Variants in MAP1B observed in about 807,000 individuals in gnomAD.
MAP1B encodes the protein microtubule associated protein 1B.
Under a neutral mutation model 176.1 loss-of-function variants are expected in MAP1B, and 12 were observed. The observed-to-expected ratio is 0.07, with a 90% CI of 0.04 to 0.11. MAP1B has a LOEUF of 0.11. Among genes scored for constraint, MAP1B ranks in the 10% least tolerant of loss-of-function variants. The probability of loss-of-function intolerance (pLI) is 1.00; values close to 1 mark genes in which losing one functional copy is unlikely to be tolerated. For synonymous variants in MAP1B, 1,044 were observed against 1,135.0 expected, an observed-to-expected ratio of 0.92 and a Z score of 1.61; for missense variants, 2,523 against 2,990.5, an observed-to-expected ratio of 0.84 and a Z score of 3.65.
chr5:72,178,599 G>A (rs758022704), intron 2 of MAP1B, among the ~76,000 whole-genome samples: 5 of 152,144 alleles, frequency 3.3e-5, no homozygotes, highest in Non-Finnish European at 5.9e-5. Context: ...CTCAGTCCTG[G>A]TTACCAATAG....
intron 2 of MAP1B, among the ~76,000 whole-genome samples, chr5:72,141,896 C>T (rs745870142): frequency 1.3e-5 from 2 of 152,236 alleles, no homozygotes; most frequent in African/African-American, 2.4e-5. Context: ...AAATCCCATT[C>T]CACTGGTTCT....
At chr5:72,109,448 G>A (rs950258062) in intron 1 of MAP1B, among the ~76,000 whole-genome samples, 2 of 152,028 alleles carry the variant, frequency 1.3e-5, no homozygotes, top group African/African-American at 4.8e-5. Flanking sequence ...ACTGACTTTG[G>A]GTGTGGCTAT....
At chr5:72,149,074 G>A (rs1349153448) in intron 2 of MAP1B, among the ~76,000 whole-genome samples, 3 of 152,110 alleles carry the variant, frequency 2.0e-5, no homozygotes, top group Non-Finnish European at 2.9e-5. Flanking sequence ...ATTCATTGCT[G>A]TATCCACCAG....
intron 2 of MAP1B, among the ~76,000 whole-genome samples, chr5:72,146,377 C>T (rs552890262): frequency 4.6e-5 from 7 of 152,206 alleles, no homozygotes; most frequent in African/African-American, 1.7e-4. Context: ...CTTTCTCAGA[C>T]GTAGCCAGTG....
intron 2 of MAP1B, among the ~76,000 whole-genome samples, chr5:72,120,526 A>G (rs958984121): frequency 6.6e-6 from 1 of 150,616 alleles, no homozygotes. Context: ...CCGGGTTCAC[A>G]CCATTCTCCT....
intron 2 of MAP1B, among the ~76,000 whole-genome samples, chr5:72,123,661 T>C (rs1368762829): frequency 1.3e-5 from 2 of 152,092 alleles, no homozygotes; most frequent in Non-Finnish European, 2.9e-5. Context: ...ATTTTTTGTA[T>C]TTTTAGTAGA....
intron 2 of MAP1B, among the ~76,000 whole-genome samples, chr5:72,131,877 C>CAA (rs1745740361): frequency 6.6e-6 from 1 of 152,192 alleles, no homozygotes; most frequent in Non-Finnish European, 1.5e-5. Context: ...GCCAACAGTA[C>CAA]GCAGCCTTCT....
intron 2 of MAP1B, among the ~76,000 whole-genome samples, chr5:72,182,202 A>C (rs1249292002): frequency 2.6e-5 from 4 of 151,872 alleles, no homozygotes; most frequent in Non-Finnish European, 5.9e-5. Context: ...CATCACTCCA[A>C]ACAGAAACTG....
Position 72,199,978 on chromosome 5 carries a change from G to A in MAP1B, c.6623G>A (p.Arg2208His), listed in dbSNP as rs78256662. The A allele has an allele frequency of 4.2e-4, 682 of 1,614,162 alleles. 16 individuals are homozygous for A. In the East Asian group the frequency reaches 0.015, roughly 35 times the overall value. ...CCACCTCCAGCTCCCGTGCAAGACC[G>A]CAGCCCTTCGCCACGCCACCCTGAT... ...MDPPPAPVQDRSPSPRHPDVS... is the reference protein window; with the variant it reads ...MDPPPAPVQDHSPSPRHPDVS... The change falls in exon 5 of 7, where the codon CGC (arginine) becomes CAC (histidine). Residue 2208 changes from arginine to histidine, a missense_variant. Arg to His is a conservative substitution (Grantham distance 29). This residue lies in a region of MAP1B where 287 missense variants were observed against 401.5 expected (regional missense o/e 0.71). Transcript: ENST00000296755. This position sits in a 1 kb window ranked among gnomAD's most constrained non-coding sequence, Gnocchi z 4.2.
At position 72,111,852 on chromosome 5, in the gene MAP1B, G is replaced by C. The variant is rs560109398; in HGVS notation, c.185-3846G>C. 2.6e-5 allele frequency among the ~76,000 whole-genome samples: 4 copies of C among 152,116 alleles called. No homozygotes were observed. In the South Asian group the frequency reaches 6.2e-4, roughly 24 times the overall value. On this transcript the variant is annotated intron_variant, in intron 1 of 6. Coordinates refer to ENST00000296755, the MANE Select transcript of MAP1B (RefSeq NM_005909.5). ...GCTTGTGTTGTAAGATGTTATCTCAGACCTAAATTATTTATTATCAATGCT... is the reference window on the plus strand; with the variant it reads ...GCTTGTGTTGTAAGATGTTATCTCACACCTAAATTATTTATTATCAATGCT...
intron 2 of MAP1B, among the ~76,000 whole-genome samples, chr5:72,160,605 A>C (rs989383235): frequency 1.1e-4 from 16 of 152,202 alleles, no homozygotes; most frequent in African/African-American, 3.9e-4. Context: ...ACCGTATATC[A>C]TTTTAAGCCT....
intron 2 of MAP1B, among the ~76,000 whole-genome samples, chr5:72,122,491 C>G (rs1455666995): frequency 6.6e-6 from 1 of 152,272 alleles, no homozygotes; most frequent in Middle Eastern, 3.4e-3. Context: ...TCCAGATCCT[C>G]ACATACAAGG....
Position 72,197,820 on chromosome 5 carries a change from G to T in MAP1B, c.4465G>T (p.Ala1489Ser), listed in dbSNP as rs1747221670. 1.9e-6 allele frequency: 3 copies of T among 1,614,220 alleles called. No individual in the cohort carries two copies. ...TGTTGAAGCCATGAGTTCTCAACCA[G>T]CACTGGCTCTGGATGAAAGGAAATT... ...DDVEAMSSQP[A>S]LALDERKLGD... Residue 1489 changes from alanine to serine, a missense_variant, in exon 5 of 7, where the codon GCA becomes TCA. Coordinates refer to ENST00000296755, the MANE Select transcript of MAP1B (RefSeq NM_005909.5).
intron 1 of MAP1B, among the ~76,000 whole-genome samples, chr5:72,113,767 T>C (rs185149087): frequency 8.5e-5 from 13 of 152,320 alleles, no homozygotes; most frequent in Admixed American, 6.5e-4. Flanking sequence ...ACAATACCAA[T>C]TAAGCAGCTC....
Position 72,107,503 on chromosome 5 carries a change from C to G in MAP1B, c.-29C>G. 1 of 1,531,908 alleles carries G rather than the reference C, an allele frequency of 6.5e-7. No individual in the cohort carries two copies. Among genetic ancestry groups the G allele is most frequent in the Non-Finnish European group, 8.8e-7 (1 of 1,141,038 alleles). 94.9% of individuals were successfully genotyped at this position (1,531,908 alleles called of 1,614,324 possible). ...GTGGAGAGGAGCGGCCGGAGCGAGA[C>G]ACTTCGCCGAGGCACAGCAGCCGGC... On this transcript the variant is annotated 5_prime_UTR_variant, in exon 1 of 7. Transcript: ENST00000296755.
intron 2 of MAP1B, among the ~76,000 whole-genome samples, chr5:72,140,539 G>C (rs542916241): frequency 2.6e-5 from 4 of 152,174 alleles, no homozygotes; most frequent in African/African-American, 9.7e-5. Flanking sequence ...TGCATGTCCT[G>C]ACAACTATTA....
chr5:72,161,008 A>G (rs1746315951), intron 2 of MAP1B, among the ~76,000 whole-genome samples: 1 of 152,210 alleles, frequency 6.6e-6, no homozygotes, highest in Admixed American at 6.5e-5. Flanking sequence ...CATTTACATC[A>G]TATGACTAGT....
Position 72,193,997 on chromosome 5 carries a change from C to A in MAP1B, c.642C>A (p.Leu214=). The A allele has an allele frequency of 6.2e-7, 1 of 1,614,212 alleles. No homozygotes were observed. The highest frequency in any genetic ancestry group is 1.3e-5 in the African/African-American group (1 of 75,040). Residue 214 remains leucine, a synonymous_variant, in exon 5 of 7, where the codon CTC becomes CTA. Transcript: ENST00000296755. ...HNLQDFINIK[L]NSASILPEME... ...TCCAAGACTTCATCAATATTAAACTCAATTCAGCTTCTATCTTGCCAGAAA... is the reference window on the plus strand; with the variant it reads ...TCCAAGACTTCATCAATATTAAACTAAATTCAGCTTCTATCTTGCCAGAAA...
intron 1 of MAP1B, among the ~76,000 whole-genome samples, chr5:72,114,457 G>C (rs1455378823): frequency 6.6e-6 from 1 of 152,182 alleles, no homozygotes; most frequent in Non-Finnish European, 1.5e-5. Context: ...AGAGGTTCAA[G>C]CCCTTACCTT....
Sources: allele counts gnomAD v4.1 joint callset (sites outside exome capture counted in the v4.1 genomes callset), GRCh38; gene constraint gnomAD v4.1.1; regional missense constraint gnomAD v4.1.1; non-coding constraint Gnocchi (gnomAD v3.1); transcripts MANE v1.5; gene names NCBI Gene and HGNC (gene_info 2026-07-23, HGNC 2026-07-21).